HYCC2: variants seen among roughly 807,000 people sequenced by gnomAD.
HYCC2 encodes hyccin 2.
the HYCC2 span, among the ~76,000 whole-genome samples, chr2:201,051,620 G>T: frequency 1.3e-5 from 2 of 152,114 alleles, no homozygotes; most frequent in Non-Finnish European, 2.9e-5. Flanking sequence ...TCTAACAAAA[G>T]ATGTATAAGA....
At chr2:201,063,257 TTTGGGTTTGTC>T in the HYCC2 span, 1 of 1,588,036 alleles carries the variant, frequency 6.3e-7, no homozygotes, top group Non-Finnish European at 8.6e-7. Flanking sequence ...CTCCACGGGC[TTTGGGTTTGTC>T]ACATATGCCA....
chr2:201,064,792 C>T, the HYCC2 span, among the ~76,000 whole-genome samples: 2 of 152,098 alleles, frequency 1.3e-5, no homozygotes, highest in Non-Finnish European at 2.9e-5. Context: ...TCATTTAATC[C>T]TAACAATTCT....
At chr2:201,006,603 G>A in the HYCC2 span, among the ~76,000 whole-genome samples, 1 of 151,964 alleles carries the variant, frequency 6.6e-6, no homozygotes, top group South Asian at 2.1e-4. Context: ...AACTTAATAA[G>A]GCTAAACAGA....
the HYCC2 span, among the ~76,000 whole-genome samples, chr2:201,018,621 T>C: frequency 1.3e-5 from 2 of 152,222 alleles, no homozygotes; most frequent in Non-Finnish European, 2.9e-5. Context: ...CATCCTAGTC[T>C]AGTAAATACT....
the HYCC2 span, among the ~76,000 whole-genome samples, chr2:201,026,190 A>G: frequency 3.3e-5 from 5 of 152,212 alleles, no homozygotes; most frequent in Admixed American, 6.5e-5. Flanking sequence ...CAGACTTTAA[A>G]CCAACAAAGA....
the HYCC2 span, chr2:200,996,328 T>C: frequency 3.9e-5 from 6 of 152,256 alleles, no homozygotes; most frequent in African/African-American, 1.4e-4. Flanking sequence ...CTACATTTTT[T>C]CTATGGTAGA....
At chr2:201,051,563 T>TA in the HYCC2 span, among the ~76,000 whole-genome samples, 1 of 152,112 alleles carries the variant, frequency 6.6e-6, no homozygotes, top group Non-Finnish European at 1.5e-5. Context: ...CACAAATTTT[T>TA]AAAAATGCAT....
At chr2:200,981,359 C>G in the HYCC2 span, 1 of 1,614,162 alleles carries the variant, frequency 6.2e-7, no homozygotes, top group South Asian at 1.1e-5. The surrounding 1 kb of genome is among the most constrained non-coding windows in gnomAD (Gnocchi z 4.5). Flanking sequence ...TCTTTACCTT[C>G]GCCAGCTTGA....
chr2:201,023,386 C>T, the HYCC2 span, among the ~76,000 whole-genome samples: 1 of 151,720 alleles, frequency 6.6e-6, no homozygotes, highest in Admixed American at 6.6e-5. Flanking sequence ...AGAGTTCAAA[C>T]AAATTAAGTT....
chr2:201,036,225 A>G, the HYCC2 span, among the ~76,000 whole-genome samples: 1 of 152,214 alleles, frequency 6.6e-6, no homozygotes, highest in African/African-American at 2.4e-5. Context: ...GACCAATAAC[A>G]GGCTCTGAAA....
At chr2:201,008,987 G>GA in the HYCC2 span, 1 of 1,608,606 alleles carries the variant, frequency 6.2e-7, no homozygotes. Context: ...TCTGTGCAGT[G>GA]AATGTTTCCC....
the HYCC2 span, among the ~76,000 whole-genome samples, chr2:201,003,003 C>T: frequency 6.6e-6 from 1 of 152,090 alleles, no homozygotes; most frequent in Admixed American, 6.6e-5. Flanking sequence ...ATGGTACATA[C>T]ATAAAATGGA....
the HYCC2 span, among the ~76,000 whole-genome samples, chr2:201,061,856 A>G: frequency 6.6e-6 from 1 of 152,206 alleles, no homozygotes; most frequent in Non-Finnish European, 1.5e-5. Context: ...CTGTAATCAC[A>G]GCACTTTGGG....
At chr2:201,022,280 C>T in the HYCC2 span, among the ~76,000 whole-genome samples, 1 of 152,016 alleles carries the variant, frequency 6.6e-6, no homozygotes, top group African/African-American at 2.4e-5. Context: ...GTACTTTTTC[C>T]TTCTATCACA....
the HYCC2 span, among the ~76,000 whole-genome samples, chr2:200,990,266 T>C: frequency 1.3e-5 from 2 of 152,204 alleles, no homozygotes; most frequent in Non-Finnish European, 2.9e-5. Flanking sequence ...AATACATTGC[T>C]AGACATGGGA....
the HYCC2 span, among the ~76,000 whole-genome samples, chr2:201,013,497 A>AG: frequency 4.6e-5 from 7 of 151,080 alleles, no homozygotes; most frequent in Non-Finnish European, 4.4e-5. Context: ...AAAAAAAAAA[A>AG]GAAAGAACAG....
the HYCC2 span, among the ~76,000 whole-genome samples, chr2:200,982,713 C>G: frequency 6.6e-6 from 1 of 151,804 alleles, no homozygotes; most frequent in Non-Finnish European, 1.5e-5. Flanking sequence ...CGATAGTGTC[C>G]CATCACATTT....
the HYCC2 span, among the ~76,000 whole-genome samples, chr2:201,020,716 A>G: frequency 2.0e-5 from 3 of 152,192 alleles, no homozygotes; most frequent in African/African-American, 7.2e-5. Flanking sequence ...AGAAAAGGCA[A>G]GAGAGTGCTG....
the HYCC2 span, chr2:200,981,626 T>A: frequency 6.2e-7 from 1 of 1,614,066 alleles, no homozygotes; most frequent in Non-Finnish European, 8.5e-7. The surrounding 1 kb of genome is among the most constrained non-coding windows in gnomAD (Gnocchi z 4.5). Flanking sequence ...CTAAGATCAG[T>A]TGGTTGCTGT....
Sources: gnomAD v4.1 joint callset for allele counts (sites outside exome capture counted in the v4.1 genomes callset) on GRCh38, gnomAD v4.1.1 for gene constraint, Gnocchi (gnomAD v3.1) non-coding constraint, MANE v1.5 for transcripts, NCBI Gene and HGNC (gene_info 2026-07-23, HGNC 2026-07-21) for gene names.